The following TAF5 variants were observed in gnomAD, a reference collection of about 807,000 sequenced individuals.
TAF5 encodes TATA-box binding protein associated factor 5.
A neutral mutation model predicts 80.9 loss-of-function variants in TAF5; 20 were observed. The ratio of observed to expected loss-of-function variants is 0.25; its 90% CI spans 0.17 to 0.36. The LOEUF (loss-of-function observed/expected upper bound fraction) is 0.36, where lower values mean the gene tolerates loss of function less well. TAF5 is among the 10% of genes least tolerant of loss of function. The probability of loss-of-function intolerance (pLI) is 1.00; values close to 1 mark genes in which losing one functional copy is unlikely to be tolerated. For synonymous variants in TAF5, 388 were observed against 406.4 expected, an observed-to-expected ratio of 0.95 and a Z score of 0.55; for missense variants, 863 against 1,029.4, an observed-to-expected ratio of 0.84 and a Z score of 2.21.
intron 1 of TAF5, among the ~76,000 whole-genome samples, chr10:103,370,715 C>T (rs1001530462): frequency 6.6e-6 from 1 of 152,128 alleles, no homozygotes; most frequent in Non-Finnish European, 1.5e-5. Context: ...TGAGCCCCTC[C>T]TTTCTCCCAG....
chr10:103,386,945 G>A (rs2133638713), intron 8 of TAF5, among the ~76,000 whole-genome samples: 1 of 150,774 alleles, frequency 6.6e-6, no homozygotes, highest in South Asian at 2.1e-4. Context: ...GTGTAAGCGT[G>A]AGCCCCCATG....
Position 103,378,388 on chromosome 10 carries a change from G to C in TAF5, c.951G>C (p.Leu317Phe). ...TTTCCCGTGACTCGTACCAACTCTT[G>C]AAGAGGCATCTTCAGGAGAAACAGA... is the stretch of plus-strand genomic sequence containing the variant. ...LRISRDSYQL[L>F]KRHLQEKQNN... Residue 317 changes from leucine to phenylalanine, a missense_variant, in exon 3 of 11, where the codon TTG (leucine) becomes TTC (phenylalanine). By Grantham distance (22) the Leu-to-Phe change is conservative (BLOSUM62 0). This residue lies in a region of TAF5 where 128 missense variants were observed against 232.2 expected (regional missense o/e 0.55). Transcript: ENST00000369839. The surrounding 1 kb of genome is among the most constrained non-coding windows in gnomAD (Gnocchi z 4.1). The C allele has an allele frequency of 6.2e-7, 1 of 1,614,136 alleles. No homozygotes were observed. Among genetic ancestry groups the C allele is most frequent in the Non-Finnish European group, 8.5e-7 (1 of 1,180,034 alleles).
chr10:103,386,737 C>G (rs1040084306), intron 8 of TAF5, among the ~76,000 whole-genome samples: 1 of 150,208 alleles, frequency 6.7e-6, no homozygotes, highest in Non-Finnish European at 1.5e-5. Context: ...CATCTCGGCT[C>G]ACTGCAACCT....
At chr10:103,373,727 C>T in intron 2 of TAF5, 132 bp downstream of exon 2, 1 of 691,256 alleles carries the variant, frequency 1.4e-6, no homozygotes, top group Non-Finnish European at 2.3e-6. Flanking sequence ...GGAGAGGTAC[C>T]TGAGGCTATG....
rs1248887470 is a variant in TAF5, at chr10:103,378,666, G to A, written c.1113+116G>A. On this transcript the variant is annotated intron_variant, in intron 3 of 10. Transcript: ENST00000369839. This position sits in a 1 kb window ranked among gnomAD's most constrained non-coding sequence, Gnocchi z 4.1. ...AGCTTGGAAACAATTTTTTTCGTTTGTTTGTTTTGAGACGGAGTTTTGCTC... is the reference window on the plus strand; with the variant it reads ...AGCTTGGAAACAATTTTTTTCGTTTATTTGTTTTGAGACGGAGTTTTGCTC... The A allele has an allele frequency of 3.1e-6, 4 of 1,272,260 alleles. No homozygotes were observed. The African/African-American group carries it at 6.0e-5, about 19-fold the overall frequency. 78.8% of individuals were successfully genotyped at this position (1,272,260 alleles called of 1,614,324 possible).
chr10:103,369,293 C>T (rs769197220), intron 1 of TAF5, among the ~76,000 whole-genome samples: 3 of 148,244 alleles, frequency 2.0e-5, no homozygotes, highest in Non-Finnish European at 4.5e-5. Flanking sequence ...TACAATATAC[C>T]CTTGTAACAG....
At position 103,378,328 on chromosome 10, in the gene TAF5, G is replaced by A. The variant is rs2093374274; in HGVS notation, c.891G>A (p.Met297Ile). 2 of 1,614,090 alleles carry A rather than the reference G, an allele frequency of 1.2e-6. No homozygotes were observed. The highest frequency in any genetic ancestry group is 1.7e-6 in the Non-Finnish European group (2 of 1,180,046). The change falls in exon 3 of 11, where the codon ATG becomes ATA. Residue 297 changes from methionine to isoleucine, a missense_variant. Coordinates refer to ENST00000369839, the MANE Select transcript of TAF5 (RefSeq NM_006951.5). This position sits in a 1 kb window ranked among gnomAD's most constrained non-coding sequence, Gnocchi z 4.1. The part of the protein sequence containing the change: ...KKEHMKGNET[M>I]LDFRTSKFVL... ...AACACATGAAAGGGAATGAGACCAT[G>A]TTGGATTTTCGAACAAGTAAATTTG...
At chr10:103,368,575 C>A in intron 1 of TAF5, 27 bp downstream of exon 1, 1 of 1,449,596 alleles carries the variant, frequency 6.9e-7, no homozygotes, top group Non-Finnish European at 9.0e-7. Context: ...CGGGTAGGTA[C>A]GGCCGCCGCG....
chr10:103,375,321 G>C (rs12778226), intron 2 of TAF5, among the ~76,000 whole-genome samples: 1 of 152,068 alleles, frequency 6.6e-6, no homozygotes, highest in Non-Finnish European at 1.5e-5. Context: ...AAGAGAAGTA[G>C]ACAAAGTCAT....
Position 103,374,267 on chromosome 10 carries a change from T to C in TAF5, c.797+672T>C, listed in dbSNP as rs776651522. 1.3e-5 allele frequency among the ~76,000 whole-genome samples: 2 copies of C among 152,234 alleles called. No individual in the cohort carries two copies. Among genetic ancestry groups the C allele is most frequent in the Non-Finnish European group, 2.9e-5 (2 of 68,036 alleles). ...AGAACCCAAACAACAGAGGTTTAAA[T>C]ACAATAAAAGTTTGTTTATTTTTCT... On this transcript the variant is annotated intron_variant, in intron 2 of 10. Transcript: ENST00000369839. The surrounding 1 kb of genome is among the most constrained non-coding windows in gnomAD (Gnocchi z 4.3).
chr10:103,381,870 A>C, intron 6 of TAF5, 29 bp downstream of exon 6: 1 of 1,614,034 alleles, frequency 6.2e-7, no homozygotes, highest in Non-Finnish European at 8.5e-7. Flanking sequence ...TGGAATGTGA[A>C]CTTGCCATTA....
chr10:103,384,554 A>G (rs111734917), intron 7 of TAF5, among the ~76,000 whole-genome samples: 2 of 152,294 alleles, frequency 1.3e-5, no homozygotes, highest in Admixed American at 6.5e-5. Flanking sequence ...TCACTTGAAC[A>G]TGGGAGGCAG....
Position 103,368,651 on chromosome 10 carries a change from C to T in TAF5, c.559+103C>T, listed in dbSNP as rs1329340035. ...ACCTCTGCGGGCTTGTTTTGAATTT[C>T]CTGGGCCCGCCTCTAGGGCCACATG... On this transcript the variant is annotated intron_variant, in intron 1 of 10. Transcript: ENST00000369839. The T allele has an allele frequency of 2.9e-6, 4 of 1,357,504 alleles. No homozygotes were observed. The East Asian group carries it at 8.6e-5, about 29-fold the overall frequency. The allele number at this position is 1,357,504 out of a possible 1,614,324, so 84.1% of individuals were successfully genotyped here.
chr10:103,370,369 A>G (rs1386848815), intron 1 of TAF5, among the ~76,000 whole-genome samples: 1 of 111,566 alleles, frequency 9.0e-6, no homozygotes, highest in Non-Finnish European at 1.7e-5. Context: ...TCTGTCGGCC[A>G]GGCTGGAGTG....
At chr10:103,387,830 C>G (rs769288913) in intron 10 of TAF5, 132 bp downstream of exon 10, 5 of 1,116,422 alleles carry the variant, frequency 4.5e-6, no homozygotes, top group Non-Finnish European at 6.4e-6. Flanking sequence ...CATCCTACAT[C>G]AATCACTTCT....
At position 103,383,367 on chromosome 10, in the gene TAF5, G is replaced by A. The variant is rs781443624; in HGVS notation, c.1664G>A (p.Arg555Lys). Residue 555 changes from arginine (R) to lysine (K), a missense_variant and splice_region_variant, in exon 7 of 11, where the codon AGG becomes AAG. Around this residue, in one of 3 missense-constraint regions of TAF5, gnomAD observed 368 missense variants for 461.7 expected, o/e 0.80. Transcript: ENST00000369839. ...TACGGAGCCAGCTTCAGTCCGGATA[G>A]GTAAAATACAAACAATAAAAATTAA... ...PVYGASFSPD[R>K]NYLLSSSEDG... The A allele has an allele frequency of 5.7e-6, 9 of 1,579,802 alleles. No individual in the cohort carries two copies. Among genetic ancestry groups the A allele is most frequent in the Non-Finnish European group, 6.8e-6 (8 of 1,170,458 alleles).
chr10:103,379,134 G>C (rs966356796), intron 3 of TAF5, among the ~76,000 whole-genome samples: 1 of 152,132 alleles, frequency 6.6e-6, no homozygotes, highest in Non-Finnish European at 1.5e-5. Flanking sequence ...TGGCATGAAG[G>C]CTCCACAGTG....
intron 1 of TAF5, among the ~76,000 whole-genome samples, chr10:103,368,759 G>A (rs924710320): frequency 6.6e-6 from 1 of 152,224 alleles, no homozygotes; most frequent in Non-Finnish European, 1.5e-5. Flanking sequence ...GAGGAGAGCT[G>A]TTGAGCAGAG....
chr10:103,386,112 C>G (rs1166641204), intron 8 of TAF5, among the ~76,000 whole-genome samples: 1 of 151,868 alleles, frequency 6.6e-6, no homozygotes, highest in Non-Finnish European at 1.5e-5. Flanking sequence ...TCTCTGTCAT[C>G]TGCTTAGAAG....
Sources: allele counts gnomAD v4.1 joint callset (sites outside exome capture counted in the v4.1 genomes callset), GRCh38; gene constraint gnomAD v4.1.1; regional missense constraint gnomAD v4.1.1; non-coding constraint Gnocchi (gnomAD v3.1); transcripts MANE v1.5; gene names NCBI Gene and HGNC (gene_info 2026-07-23, HGNC 2026-07-21).